The following DLGAP4 variants were observed in gnomAD, a reference collection of about 807,000 sequenced individuals.
The protein encoded by DLGAP4 is disks large-associated protein 4.
DLGAP4 carries 18 observed loss-of-function variants against 86.9 expected under a neutral mutation model. That is an observed-to-expected ratio of 0.21 (90% CI 0.14 to 0.31). The LOEUF is 0.31. Among genes scored for constraint, DLGAP4 ranks in the 10% least tolerant of loss-of-function variants. The probability of loss-of-function intolerance (pLI) is 1.00; values close to 1 mark genes in which losing one functional copy is unlikely to be tolerated. For missense variants in DLGAP4, 1,085 were observed against 1,362.6 expected, an observed-to-expected ratio of 0.80 and a Z score of 3.21; for synonymous variants, 548 against 574.3, an observed-to-expected ratio of 0.95 and a Z score of 0.65.
chr20:36,499,604 C>T lies in DLGAP4; in HGVS notation c.2027C>T (p.Pro676Leu), dbSNP rs771506232. 3.7e-6 allele frequency: 6 copies of T among 1,614,040 alleles called. No homozygotes were observed. The highest frequency in any genetic ancestry group is 4.2e-6 in the Non-Finnish European group (5 of 1,180,002). ...TTCAATAAGGTTGACTGCATTCAGCCAGTGCCAAAAGAGGAGCCCAGTCCC... is the reference window on the plus strand; with the variant it reads ...TTCAATAAGGTTGACTGCATTCAGCTAGTGCCAAAAGAGGAGCCCAGTCCC... The part of the protein sequence containing the change: ...SIGIQVDCIQ[P>L]VPKEEPSPAT... The change falls in exon 9 of 13, where the codon CCA (proline) becomes CTA (leucine). Residue 676 changes from proline (P) to leucine (L), a missense_variant. Around this residue, in one of 2 missense-constraint regions of DLGAP4, gnomAD observed 1,082 missense variants for 1,344.1 expected, o/e 0.81. Coordinates refer to ENST00000339266, the MANE Select transcript of DLGAP4 (RefSeq NM_001365621.2).
At chr20:36,352,087 G>A (rs1053720154) in intron 1 of DLGAP4, among the ~76,000 whole-genome samples, 9 of 152,154 alleles carry the variant, frequency 5.9e-5, no homozygotes, top group South Asian at 2.1e-4. Flanking sequence ...AGAGAACCCC[G>A]GGTGATCCAG....
chr20:36,435,141 C>G (rs571423712), intron 3 of DLGAP4, among the ~76,000 whole-genome samples: 1 of 151,964 alleles, frequency 6.6e-6, no homozygotes, highest in East Asian at 1.9e-4. Context: ...GTGTGGTACA[C>G]TGGGGGTACT....
intron 1 of DLGAP4, among the ~76,000 whole-genome samples, chr20:36,324,034 AT>A (rs1206645042): frequency 6.6e-6 from 1 of 152,112 alleles, no homozygotes; most frequent in African/African-American, 2.4e-5. Context: ...CAATTCATCT[AT>A]TTTTTTTCTT....
At chr20:36,508,720 A>C (rs1389380066) in intron 10 of DLGAP4, 1 of 152,182 alleles carries the variant, frequency 6.6e-6, no homozygotes, top group East Asian at 1.9e-4. Context: ...GAGCCACTGC[A>C]CTGGGGCCAT....
intron 2 of DLGAP4, among the ~76,000 whole-genome samples, chr20:36,403,094 G>A (rs1457315016): frequency 2.0e-5 from 3 of 152,214 alleles, no homozygotes; most frequent in African/African-American, 7.2e-5. Flanking sequence ...ATATGTCTTA[G>A]TCCATTTTGT....
intron 7 of DLGAP4, among the ~76,000 whole-genome samples, chr20:36,447,163 G>T (rs927270943): frequency 2.0e-5 from 3 of 152,324 alleles, no homozygotes; most frequent in East Asian, 3.9e-4. Flanking sequence ...CCCCTGGGGG[G>T]CATGGGAGGT....
intron 10 of DLGAP4, among the ~76,000 whole-genome samples, chr20:36,501,026 C>A (rs1024327532): frequency 6.6e-6 from 1 of 151,236 alleles, no homozygotes; most frequent in Admixed American, 6.6e-5. Flanking sequence ...ACCTGTCAGA[C>A]ACAGAGAAAA....
intron 2 of DLGAP4, among the ~76,000 whole-genome samples, chr20:36,394,482 C>T (rs2031883445): frequency 6.6e-6 from 1 of 152,214 alleles, no homozygotes; most frequent in African/African-American, 2.4e-5. Flanking sequence ...CCCCATCTCC[C>T]CCGGGGCATG....
intron 1 of DLGAP4, among the ~76,000 whole-genome samples, chr20:36,325,748 G>A (rs1399564344): frequency 1.1e-4 from 16 of 146,846 alleles, no homozygotes; most frequent in Admixed American, 4.8e-4. Context: ...ACTGAGTCTC[G>A]CTCTGTTGCC....
intron 1 of DLGAP4, among the ~76,000 whole-genome samples, chr20:36,359,857 G>A (rs1314013054): frequency 1.3e-5 from 2 of 152,106 alleles, no homozygotes; most frequent in Non-Finnish European, 2.9e-5. Flanking sequence ...GGAGTTCATC[G>A]GGCACTGGGG....
intron 2 of DLGAP4, among the ~76,000 whole-genome samples, chr20:36,372,025 G>A (rs570003107): frequency 6.6e-6 from 1 of 152,304 alleles, no homozygotes; most frequent in South Asian, 2.1e-4. Context: ...TAAGGCATGG[G>A]CTGGGGAATC....
chr20:36,372,584 C>G (rs1021671562), intron 2 of DLGAP4, among the ~76,000 whole-genome samples: 1 of 151,734 alleles, frequency 6.6e-6, no homozygotes. Flanking sequence ...TTTACAGCCA[C>G]TAAGAGAATC....
chr20:36,335,039 G>A (rs1437918195), intron 1 of DLGAP4, among the ~76,000 whole-genome samples: 8 of 152,136 alleles, frequency 5.3e-5, no homozygotes, highest in African/African-American at 1.9e-4. Context: ...GTTTGAAAAG[G>A]CCTTTTAATT....
intron 1 of DLGAP4, among the ~76,000 whole-genome samples, chr20:36,311,276 C>A (rs1202151148): frequency 1.3e-5 from 2 of 151,996 alleles, no homozygotes; most frequent in Non-Finnish European, 2.9e-5. Flanking sequence ...CTCACTGGGT[C>A]CTTGCAGGGA....
intron 11 of DLGAP4, among the ~76,000 whole-genome samples, chr20:36,525,232 AAAAAAAAAAAAAAAAAAAAAAACAAAG>A (rs1353492487): frequency 4.3e-5 from 5 of 116,422 alleles, no homozygotes; most frequent in Non-Finnish European, 9.0e-5. Context: ...AAAAAAAAAA[AAAAAAAAAAAAAAAAAAAAAAACAAAG>A]AAATCCCACT....
At chr20:36,313,921 G>A (rs893564537) in intron 1 of DLGAP4, among the ~76,000 whole-genome samples, 1 of 152,160 alleles carries the variant, frequency 6.6e-6, no homozygotes, top group Non-Finnish European at 1.5e-5. Flanking sequence ...AGGAGGTGAT[G>A]TTGGGGTTGC....
intron 7 of DLGAP4, among the ~76,000 whole-genome samples, chr20:36,487,027 CAG>C (rs1205902029): frequency 1.2e-4 from 18 of 152,082 alleles, no homozygotes; most frequent in Admixed American, 1.1e-3. Flanking sequence ...ATAGAGAAAA[CAG>C]GGACGCAAAA....
At chr20:36,395,103 A>C (rs1402233673) in intron 2 of DLGAP4, among the ~76,000 whole-genome samples, 3 of 151,922 alleles carry the variant, frequency 2.0e-5, no homozygotes, top group African/African-American at 7.3e-5. Flanking sequence ...TCCATTCCAC[A>C]TTCACCATTC....
At chr20:36,525,390 G>T in intron 11 of DLGAP4, 1 of 205,662 alleles carries the variant, frequency 4.9e-6, no homozygotes, top group Non-Finnish European at 1.0e-5. Context: ...CTCCCAGCGG[G>T]AGGCAGTGGA....
Sources: gnomAD v4.1 joint callset for allele counts (sites outside exome capture counted in the v4.1 genomes callset) on GRCh38, gnomAD v4.1.1 for gene constraint, gnomAD v4.1.1 regional missense constraint, MANE v1.5 for transcripts, NCBI Gene and HGNC (gene_info 2026-07-23, HGNC 2026-07-21) for gene names.